The following FUT8 variants were observed in gnomAD, a reference collection of about 807,000 sequenced individuals.
FUT8 encodes the protein alpha-(1,6)-fucosyltransferase.
A neutral mutation model predicts 71.3 loss-of-function variants in FUT8; 29 were observed. The ratio of observed to expected loss-of-function variants is 0.41; its 90% confidence interval spans 0.30 to 0.55. The LOEUF (loss-of-function observed/expected upper bound fraction) is 0.55. FUT8 is among the 20% of genes least tolerant of loss of function. The pLI is 0.34. For missense variants in FUT8, 544 were observed against 702.1 expected, an observed-to-expected ratio of 0.77 and a Z score of 2.55; for synonymous variants, 254 against 239.3, an observed-to-expected ratio of 1.06 and a Z score of -0.57.
At chr14:65,730,651 G>A (rs545411656) in intron 9 of FUT8, among the ~76,000 whole-genome samples, 3 of 152,078 alleles carry the variant, frequency 2.0e-5, no homozygotes, top group Admixed American at 6.5e-5. Flanking sequence ...CAGCCTGGGC[G>A]ACAGAGCGAG....
rs74703666 is a variant in FUT8, at chr14:65,448,651, T to C, written c.-325-6970T>C. 5.0e-3 allele frequency among the ~76,000 whole-genome samples: 766 copies of C among 152,230 alleles called. 8 individuals carry two copies. Among genetic ancestry groups the C allele is most frequent in the African/African-American group, 0.018 (729 of 41,526 alleles). On this transcript the variant is annotated intron_variant, in intron 1 of 10. Coordinates refer to ENST00000673929, the MANE Select transcript of FUT8 (RefSeq NM_001371533.1). ...ATAACCACAGGCTCTGTTCTCATGG[T>C]GTGCCCAATCTTTTGGGGATGGGGT... is the stretch of plus-strand genomic sequence containing the variant.
intron 10 of FUT8, among the ~76,000 whole-genome samples, chr14:65,738,930 C>T (rs556931839): frequency 5.5e-4 from 83 of 152,136 alleles, no homozygotes; most frequent in South Asian, 2.5e-3. Flanking sequence ...TTATTGAGCA[C>T]GTACTTTGTG....
intron 3 of FUT8, among the ~76,000 whole-genome samples, chr14:65,600,169 T>C (rs1287003454): frequency 2.0e-5 from 3 of 152,238 alleles, no homozygotes; most frequent in Non-Finnish European, 4.4e-5. Context: ...CATCTCTTAA[T>C]GCAAAACCTG....
intron 1 of FUT8, among the ~76,000 whole-genome samples, chr14:65,414,733 A>G (rs776486244): frequency 5.3e-5 from 8 of 152,230 alleles, no homozygotes; most frequent in Non-Finnish European, 1.2e-4. Context: ...TTGCTGCCTT[A>G]TAAATTGAGA....
In FUT8 at chr14:65,733,221, A is replaced by G; in HGVS notation, c.1260-10A>G. 1 of 1,566,116 alleles carries G rather than the reference A, an allele frequency of 6.4e-7. No homozygotes were observed. ...TCTATGACCATCTATAAATTAATTTATTTTTTCAGGTACCCCAATTATGAA... is the reference window on the plus strand; with the variant it reads ...TCTATGACCATCTATAAATTAATTTGTTTTTTCAGGTACCCCAATTATGAA... On this transcript the variant is annotated splice_polypyrimidine_tract_variant and intron_variant, in intron 9 of 10. Transcript: ENST00000673929.
chr14:65,526,766 A>G (rs542392590), intron 2 of FUT8, among the ~76,000 whole-genome samples: 30 of 152,296 alleles, frequency 2.0e-4, no homozygotes, highest in African/African-American at 7.0e-4. Flanking sequence ...TGGTGGTGAC[A>G]GAATCTCTCA....
chr14:65,544,412 CACA>C (rs1248098359), intron 2 of FUT8, among the ~76,000 whole-genome samples: 2 of 152,124 alleles, frequency 1.3e-5, no homozygotes, highest in Non-Finnish European at 1.5e-5. Flanking sequence ...CTAATATTAA[CACA>C]TCATGGTGCC....
chr14:65,463,175 C>T (rs1185708326), intron 2 of FUT8, among the ~76,000 whole-genome samples: 1 of 152,164 alleles, frequency 6.6e-6, no homozygotes, highest in South Asian at 2.1e-4. Context: ...ATTAAATAGA[C>T]ATAATTACAA....
intron 2 of FUT8, among the ~76,000 whole-genome samples, chr14:65,557,454 C>T (rs576833246): frequency 2.2e-4 from 34 of 151,740 alleles, no homozygotes; most frequent in African/African-American, 7.5e-4. Context: ...GCCTCAGCCT[C>T]CTAAGTAGCT....
chr14:65,439,954 G>GTGTACGTGTATATATATATA, intron 1 of FUT8, among the ~76,000 whole-genome samples: 1 of 74,984 alleles, frequency 1.3e-5, no homozygotes, highest in Non-Finnish European at 2.5e-5. Context: ...GTGTGTGTGT[G>GTGTACGTGTATATATATATA]TATATATATA....
the FUT8 span, among the ~76,000 whole-genome samples, chr14:65,364,559 A>T: frequency 6.6e-6 from 1 of 152,210 alleles, no homozygotes; most frequent in East Asian, 1.9e-4. Context: ...CGTTCTCAGC[A>T]TTCTTTTGCA....
intron 9 of FUT8, among the ~76,000 whole-genome samples, chr14:65,728,035 C>T (rs1207684664): frequency 2.6e-5 from 4 of 152,178 alleles, no homozygotes; most frequent in African/African-American, 9.7e-5. Context: ...CATCTGAGAC[C>T]ACCTCAGCCC....
intron 1 of FUT8, among the ~76,000 whole-genome samples, chr14:65,414,296 G>A (rs1174017497): frequency 1.3e-5 from 2 of 151,742 alleles, no homozygotes; most frequent in Non-Finnish European, 2.9e-5. Context: ...TTGTTATTCC[G>A]GCGGTTAGGT....
In FUT8 at chr14:65,645,757, T is replaced by C. The variant is rs375347194; in HGVS notation, c.597+16151T>C. Among the ~76,000 whole-genome samples, 20 of 152,318 alleles carry C rather than the reference T, an allele frequency of 1.3e-4. 3 individuals are homozygous for C. Among genetic ancestry groups the C allele is most frequent in the African/African-American group, 4.3e-4 (18 of 41,578 alleles). ...GAACTTCTATTTTGACTAGGCATCA[T>C]TGAGAAATGCCTCCTTCATTTCTGT... On this transcript the variant is annotated intron_variant, in intron 6 of 10. Coordinates refer to ENST00000673929, the MANE Select transcript of FUT8 (RefSeq NM_001371533.1).
chr14:65,458,791 C>CTTTTT (rs748466416), intron 2 of FUT8, among the ~76,000 whole-genome samples: 1 of 135,582 alleles, frequency 7.4e-6, no homozygotes, highest in Non-Finnish European at 1.6e-5. Flanking sequence ...TCTTTTCTTT[C>CTTTTT]TTTTTTTTTT....
intron 3 of FUT8, among the ~76,000 whole-genome samples, chr14:65,578,656 T>C (rs1335698574): frequency 6.6e-6 from 1 of 152,170 alleles, no homozygotes; most frequent in African/African-American, 2.4e-5. Flanking sequence ...GCCAAAAGAT[T>C]GGACACCCCT....
chr14:65,426,093 T>C (rs2065382566), intron 1 of FUT8, among the ~76,000 whole-genome samples: 2 of 152,290 alleles, frequency 1.3e-5, no homozygotes, highest in South Asian at 4.1e-4. Context: ...AATAACCCTT[T>C]GGCCAACATC....
chr14:65,583,267 A>G (rs1341060620), intron 3 of FUT8, among the ~76,000 whole-genome samples: 2 of 152,070 alleles, frequency 1.3e-5, no homozygotes, highest in African/African-American at 4.8e-5. Context: ...TGCAGCCTCA[A>G]CCACCTGGGC....
At chr14:65,548,007 T>A (rs1266439645) in intron 2 of FUT8, among the ~76,000 whole-genome samples, 1 of 151,998 alleles carries the variant, frequency 6.6e-6, no homozygotes, top group East Asian at 1.9e-4. Flanking sequence ...TATGGCAATT[T>A]CTCAGTTGTT....
Sources: gnomAD v4.1 joint callset for allele counts (sites outside exome capture counted in the v4.1 genomes callset) on GRCh38, gnomAD v4.1.1 for gene constraint, MANE v1.5 for transcripts, NCBI Gene and HGNC (gene_info 2026-07-23, HGNC 2026-07-21) for gene names.